The following EPS15 variants were observed in gnomAD, a reference collection of about 807,000 sequenced individuals.
The protein encoded by EPS15 is epidermal growth factor receptor substrate 15.
A neutral mutation model predicts 113.8 loss-of-function variants in EPS15; 72 were observed. The observed-to-expected ratio is 0.63, with a 90% CI of 0.52 to 0.77. The LOEUF (loss-of-function observed/expected upper bound fraction) is 0.77. EPS15 is among the 30% of genes least tolerant of loss of function. The pLI is 0.00. For synonymous variants in EPS15, 344 were observed against 363.4 expected, an observed-to-expected ratio of 0.95 and a Z score of 0.61; for missense variants, 1,048 against 1,045.8, an observed-to-expected ratio of 1.00 and a Z score of -0.03.
chr1:51,363,946 G>C lies in EPS15; in HGVS notation c.2279C>G (p.Thr760Arg). The change falls in exon 23 of 25, where the codon ACA becomes AGA. Residue 760 changes from threonine to arginine, a missense_variant. Transcript: ENST00000371733. The stretch of plus-strand genomic sequence containing the variant: ...GGGTTCATCTTCACTTTTGACCGAT[G>C]TTTCCTCAAATACATTTTTTGTAAT... ...VVITKNVFEE[T>R]SVKSEDEPPA... 1 of 1,613,868 alleles carries C rather than the reference G, an allele frequency of 6.2e-7. No individual in the cohort carries two copies. The highest frequency in any genetic ancestry group is 8.5e-7 in the Non-Finnish European group (1 of 1,179,864).
At chr1:51,483,370 G>GAT (rs990061489) in intron 1 of EPS15, among the ~76,000 whole-genome samples, 16 of 150,378 alleles carry the variant, frequency 1.1e-4, no homozygotes, top group Non-Finnish European at 1.9e-4. Flanking sequence ...CATACACACA[G>GAT]ATATATATAT....
At chr1:51,382,136 T>C (rs1220601913) in intron 21 of EPS15, among the ~76,000 whole-genome samples, 3 of 152,174 alleles carry the variant, frequency 2.0e-5, no homozygotes, top group Non-Finnish European at 2.9e-5. Context: ...ATAAAAAGGA[T>C]TGTTAACACA....
intron 21 of EPS15, among the ~76,000 whole-genome samples, chr1:51,386,267 TAAGAG>T (rs1647069741): frequency 1.3e-5 from 2 of 152,168 alleles, no homozygotes; most frequent in East Asian, 3.9e-4. Context: ...AGGAAACAGA[TAAGAG>T]AAAAGTAAAG....
chr1:51,509,543 T>C (rs542770364), intron 1 of EPS15, among the ~76,000 whole-genome samples: 61 of 152,312 alleles, frequency 4.0e-4, no homozygotes, highest in Non-Finnish European at 7.4e-4. Flanking sequence ...AAGTCTATTT[T>C]ATAGGGAGTC....
intron 19 of EPS15, among the ~76,000 whole-genome samples, chr1:51,399,856 G>A (rs554948389): frequency 6.6e-6 from 1 of 151,352 alleles, no homozygotes; most frequent in Non-Finnish European, 1.5e-5. Context: ...GAGCAAGACT[G>A]TCTCAAAAAA....
At chr1:51,364,065 C>A (rs1646451350) in intron 22 of EPS15, 37 bp from the exon 23 acceptor site, 1 of 1,517,364 alleles carries the variant, frequency 6.6e-7, no homozygotes, top group Admixed American at 1.9e-5. Flanking sequence ...ATGGCTATAC[C>A]AAGCAAATTG....
At chr1:51,425,181 A>G (rs181165717) in intron 12 of EPS15, among the ~76,000 whole-genome samples, 1 of 152,360 alleles carries the variant, frequency 6.6e-6, no homozygotes, top group Non-Finnish European at 1.5e-5. Context: ...TTCTGATTCC[A>G]TGGAGCGGTG....
intron 1 of EPS15, among the ~76,000 whole-genome samples, chr1:51,491,476 ATAGGCTATCCATATC>A (rs1159361653): frequency 6.6e-6 from 1 of 152,224 alleles, no homozygotes; most frequent in Admixed American, 6.5e-5. Context: ...GAAGCTTTTG[ATAGGCTATCCATATC>A]TAGAAAAGGC....
At chr1:51,448,178 T>A in intron 8 of EPS15, 43 bp from the exon 9 acceptor site, 1 of 1,159,332 alleles carries the variant, frequency 8.6e-7, no homozygotes, top group Non-Finnish European at 1.3e-6. Context: ...TAAAAGCACT[T>A]AACATCCACC....
rs886496886 is a variant in EPS15, at chr1:51,461,156, A to G, written c.502-6T>C. On this transcript the variant is annotated splice_region_variant and splice_polypyrimidine_tract_variant and intron_variant, in intron 7 of 24. Coordinates refer to ENST00000371733, the MANE Select transcript of EPS15 (RefSeq NM_001981.3). ...ATATCACTCAACTCCCAAACCTTAA[A>G]AAGAGAATAATTGAAAAAAGATTAA... 1.3e-6 allele frequency: 2 copies of G among 1,582,750 alleles called. No individual in the cohort carries two copies. The highest frequency in any genetic ancestry group is 8.7e-7 in the Non-Finnish European group (1 of 1,151,714).
At chr1:51,458,456 G>A (rs1654180080) in intron 8 of EPS15, 2 of 382,354 alleles carry the variant, frequency 5.2e-6, no homozygotes, top group Non-Finnish European at 5.3e-6. Context: ...TTTGTCTTGG[G>A]CCTGAAGAGG....
intron 21 of EPS15, among the ~76,000 whole-genome samples, chr1:51,379,204 C>T (rs2148377043): frequency 6.6e-6 from 1 of 152,302 alleles, no homozygotes; most frequent in East Asian, 1.9e-4. Flanking sequence ...ACTGCAACCT[C>T]TGCCTCCCGG....
chr1:51,439,766 T>C (rs914695105), intron 12 of EPS15, among the ~76,000 whole-genome samples: 2 of 152,090 alleles, frequency 1.3e-5, no homozygotes, highest in Non-Finnish European at 2.9e-5. Context: ...GCTGACAAGC[T>C]TGTATCATTT....
At chr1:51,429,162 G>A (rs995787268) in intron 12 of EPS15, among the ~76,000 whole-genome samples, 17 of 152,110 alleles carry the variant, frequency 1.1e-4, no homozygotes, top group African/African-American at 3.9e-4. Context: ...GAGCCACCAC[G>A]CCTGGCCAGG....
intron 12 of EPS15, among the ~76,000 whole-genome samples, chr1:51,437,129 C>T (rs1022035117): frequency 6.6e-6 from 1 of 152,094 alleles, no homozygotes; most frequent in Non-Finnish European, 1.5e-5. Context: ...GCACTTCAAG[C>T]TCCCAATGTC....
chr1:51,433,349 C>T (rs983537778), intron 12 of EPS15, among the ~76,000 whole-genome samples: 4 of 152,182 alleles, frequency 2.6e-5, no homozygotes, highest in Admixed American at 6.5e-5. Flanking sequence ...CCAAGCATTG[C>T]GTTAAGCATT....
In EPS15 at chr1:51,402,489, C is replaced by A; in HGVS notation, c.1828G>T (p.Gly610Cys). The A allele has an allele frequency of 6.3e-7, 1 of 1,589,358 alleles. No homozygotes were observed. The highest frequency in any genetic ancestry group is 8.6e-7 in the Non-Finnish European group (1 of 1,164,720). Reference protein sequence around the residue: ...PFNVDSSSLTGPVADTNLDFF... With the variant: ...PFNVDSSSLTCPVADTNLDFF... ...TCCAAGTTTGTATCTGCAACTGGAC[C>A]TGTCAGCGAACTTGAGTCTACATTA... Residue 610 changes from glycine (G) to cysteine (C), a missense_variant, in exon 18 of 25, where the codon GGT becomes TGT. By Grantham distance (159) the Gly-to-Cys change is radical. Transcript: ENST00000371733.
At chr1:51,445,962 C>T (rs1653015645) in intron 10 of EPS15, among the ~76,000 whole-genome samples, 1 of 152,320 alleles carries the variant, frequency 6.6e-6, no homozygotes, top group South Asian at 2.1e-4. Flanking sequence ...AGTGCCTACC[C>T]TAGGCACTCA....
chr1:51,504,713 TAA>T (rs1227573791), intron 1 of EPS15, among the ~76,000 whole-genome samples: 3 of 152,056 alleles, frequency 2.0e-5, no homozygotes, highest in African/African-American at 7.2e-5. Flanking sequence ...AATGAGATAC[TAA>T]AAAAAGTAAG....
Sources: gnomAD v4.1 joint callset for allele counts (sites outside exome capture counted in the v4.1 genomes callset) on GRCh38, gnomAD v4.1.1 for gene constraint, MANE v1.5 for transcripts, NCBI Gene and HGNC (gene_info 2026-07-23, HGNC 2026-07-21) for gene names.